ASNSD1: variants seen among roughly 807,000 people sequenced by gnomAD.
ASNSD1 encodes asparagine synthetase domain-containing protein 1.
A neutral mutation model predicts 48.3 loss-of-function variants in ASNSD1; 36 were observed. That is an observed-to-expected ratio of 0.75 (90% CI 0.57 to 0.99). ASNSD1 has a LOEUF of 0.99. ASNSD1 is among the 50% of genes least tolerant of loss of function. The pLI is 0.00. For synonymous variants in ASNSD1, 257 were observed against 262.1 expected, an observed-to-expected ratio of 0.98 and a Z score of 0.19; for missense variants, 714 against 758.2, an observed-to-expected ratio of 0.94 and a Z score of 0.69.
At position 189,666,824 on chromosome 2, in the gene ASNSD1, A is replaced by C; in HGVS notation, c.692A>C (p.Asn231Thr). 1 of 1,614,180 alleles carries C rather than the reference A, an allele frequency of 6.2e-7. No homozygotes were observed. The highest frequency in any genetic ancestry group is 8.5e-7 in the Non-Finnish European group (1 of 1,180,016). ...DLPAFVSVVA[N>T]EAKLYLEKPV... ...CCAGCATTTGTATCAGTGGTAGCAA[A>C]TGAAGCCAAACTGTATCTTGAAAAA... Residue 231 changes from asparagine to threonine, a missense_variant, in exon 4 of 6, where the codon AAT becomes ACT. Transcript: ENST00000260952.
intron 1 of ASNSD1, among the ~76,000 whole-genome samples, chr2:189,661,898 A>G (rs2032673479): frequency 6.6e-6 from 1 of 152,134 alleles, no homozygotes; most frequent in Non-Finnish European, 1.5e-5. Context: ...ACTTTTGGAA[A>G]TACCGCCCAC....
chr2:189,665,644 A>ATATATATATG (rs1455945789), intron 3 of ASNSD1, among the ~76,000 whole-genome samples, 193 bp downstream of exon 3: 10 of 123,748 alleles, frequency 8.1e-5, no homozygotes, highest in African/African-American at 3.3e-4. Flanking sequence ...ATATATATAT[A>ATATATATATG]TATTATAAAT....
Position 189,666,623 on chromosome 2 carries a change from C to G in ASNSD1, c.491C>G (p.Ser164Cys). 1 of 1,614,142 alleles carries G rather than the reference C, an allele frequency of 6.2e-7. No individual in the cohort carries two copies. The stretch of plus-strand genomic sequence containing the variant: ...CTCTCTTCAGTTGGCACCCAAACAT[C>G]TGGATTGGCAAATCAGTGGCAAGAA... Reference protein sequence around the residue: ...FCLSSVGTQTSGLANQWQEVP... With the variant: ...FCLSSVGTQTCGLANQWQEVP... The change falls in exon 4 of 6, where the codon TCT becomes TGT. Residue 164 changes from serine to cysteine, a missense_variant. By Grantham distance (112) the Ser-to-Cys change is moderately radical. Transcript: ENST00000260952.
intron 1 of ASNSD1, among the ~76,000 whole-genome samples, chr2:189,662,043 C>G (rs1245559912): frequency 1.3e-5 from 2 of 152,160 alleles, no homozygotes; most frequent in Non-Finnish European, 2.9e-5. Context: ...CCTTTATCAC[C>G]GTGAACACTC....
chr2:189,667,969 C>G, intron 5 of ASNSD1, 24 bp downstream of exon 5: 1 of 1,579,956 alleles, frequency 6.3e-7, no homozygotes, highest in Non-Finnish European at 8.6e-7. Context: ...TTTGAGTGTT[C>G]TTACGGTATT....
At chr2:189,668,809 T>C (rs1244745140) in intron 5 of ASNSD1, among the ~76,000 whole-genome samples, 1 of 152,254 alleles carries the variant, frequency 6.6e-6, no homozygotes, top group Non-Finnish European at 1.5e-5. Flanking sequence ...TTCATGTATG[T>C]ATTCTTGCTT....
intron 5 of ASNSD1, 30 bp downstream of exon 5, chr2:189,667,975 G>A (rs756247257): frequency 2.5e-6 from 4 of 1,573,312 alleles, no homozygotes; most frequent in East Asian, 4.5e-5. Flanking sequence ...TGTTCTTACG[G>A]TATTTTTATA....
chr2:189,663,540 A>G (rs2032719758), intron 1 of ASNSD1, among the ~76,000 whole-genome samples: 1 of 152,210 alleles, frequency 6.6e-6, no homozygotes. Context: ...GGCATGAGCC[A>G]CCGCACCCGG....
In ASNSD1 at chr2:189,667,325, ATAAACATGTCAGTG is replaced by A; in HGVS notation, c.1196_1209del (p.Lys399ThrfsTer17). On this transcript the variant is annotated frameshift_variant, in exon 4 of 6. Transcript: ENST00000260952. LOFTEE classifies it high-confidence loss of function. Reference sequence around the variant, plus strand: ...GCTGCTGCTGCTGCTGACAGTCCTAATAAACATGTCAGTGTACCAGATCGAATCACAGGAAGGGC... The same window carrying A: ...GCTGCTGCTGCTGCTGACAGTCCTAATACCAGATCGAATCACAGGAAGGGC... 1 of 1,614,174 alleles carries A rather than the reference ATAAACATGTCAGTG, an allele frequency of 6.2e-7. No individual in the cohort carries two copies. The highest frequency in any genetic ancestry group is 8.5e-7 in the Non-Finnish European group (1 of 1,180,024).
chr2:189,668,001 A>G (rs186830650), intron 5 of ASNSD1, 56 bp downstream of exon 5: 143 of 1,491,924 alleles, frequency 9.6e-5, no homozygotes, highest in Middle Eastern at 3.9e-4. Flanking sequence ...AGCAGAGTGT[A>G]AATGGAGACT....
intron 5 of ASNSD1, among the ~76,000 whole-genome samples, chr2:189,668,644 G>T (rs566523528): frequency 6.6e-6 from 1 of 152,346 alleles, no homozygotes; most frequent in South Asian, 2.1e-4. Context: ...CAGTGTTATA[G>T]AAACTGGCTT....
chr2:189,662,043 C>T (rs1245559912), intron 1 of ASNSD1, among the ~76,000 whole-genome samples: 1 of 152,160 alleles, frequency 6.6e-6, no homozygotes, highest in South Asian at 2.1e-4. Flanking sequence ...CCTTTATCAC[C>T]GTGAACACTC....
chr2:189,665,614 A>ATACATATATATATATG (rs1559034445), intron 3 of ASNSD1, among the ~76,000 whole-genome samples, 163 bp downstream of exon 3: 18 of 95,636 alleles, frequency 1.9e-4, no homozygotes, highest in African/African-American at 7.3e-4. Flanking sequence ...ATATATATAT[A>ATACATATATATATATG]TATATATATA....
In ASNSD1 at chr2:189,666,971, A is replaced by G; in HGVS notation, c.839A>G (p.Lys280Arg). ...LQVFLTDVHM[K>R]EVIQQFIDVL... ...GTCTTTCTTACTGATGTACACATGAAGGAAGTAATTCAGCAGTTCATTGAT... is the reference window on the plus strand; with the variant it reads ...GTCTTTCTTACTGATGTACACATGAGGGAAGTAATTCAGCAGTTCATTGAT... Residue 280 changes from lysine to arginine, a missense_variant, in exon 4 of 6, where the codon AAG (lysine) becomes AGG (arginine). By Grantham distance (26) the Lys-to-Arg change is conservative. Transcript: ENST00000260952. 1 of 1,614,208 alleles carries G rather than the reference A, an allele frequency of 6.2e-7. No homozygotes were observed. Among genetic ancestry groups the G allele is most frequent in the South Asian group, 1.1e-5 (1 of 91,086 alleles).
At chr2:189,665,507 G>A (rs546529453) in intron 3 of ASNSD1, 56 bp downstream of exon 3, 2 of 387,864 alleles carry the variant, frequency 5.2e-6, no homozygotes, top group East Asian at 3.6e-5. Context: ...ACTCATCTGA[G>A]TGTTAAAATA....
Position 189,667,489 on chromosome 2 carries a change from G to A in ASNSD1, c.1357G>A (p.Asp453Asn), listed in dbSNP as rs1240887340. ...AATATGTCACTTAATTCGGCCATTG[G>A]ATACAGTTTTGGATGATAGCATTGG... Reference protein sequence around the residue: ...TRICHLIRPLDTVLDDSIGCA... With the variant: ...TRICHLIRPLNTVLDDSIGCA... The change falls in exon 4 of 6, where the codon GAT becomes AAT. Residue 453 changes from aspartate (D) to asparagine (N), a missense_variant. Transcript: ENST00000260952. 6.2e-7 allele frequency: 1 copy of A among 1,614,170 alleles called. No homozygotes were observed. Among genetic ancestry groups the A allele is most frequent in the Non-Finnish European group, 8.5e-7 (1 of 1,180,034 alleles).
chr2:189,668,495 C>T (rs753528437), intron 5 of ASNSD1, among the ~76,000 whole-genome samples: 11 of 108,256 alleles, frequency 1.0e-4, no homozygotes, highest in Non-Finnish European at 1.5e-4. Flanking sequence ...GGAGACAGTG[C>T]GAGACTCTGT....
At position 189,666,991 on chromosome 2, in the gene ASNSD1, A is replaced by G. The variant is rs138068841; in HGVS notation, c.859A>G (p.Ile287Val). Reference protein sequence around the residue: ...VHMKEVIQQFIDVLSVAVKKR... With the variant: ...VHMKEVIQQFVDVLSVAVKKR... ...CATGAAGGAAGTAATTCAGCAGTTCATTGATGTCCTGAGTGTAGCAGTCAA... is the reference window on the plus strand; with the variant it reads ...CATGAAGGAAGTAATTCAGCAGTTCGTTGATGTCCTGAGTGTAGCAGTCAA... Residue 287 changes from isoleucine (I) to valine (V), a missense_variant, in exon 4 of 6, where the codon ATT becomes GTT. By Grantham distance (29) the Ile-to-Val change is conservative. Transcript: ENST00000260952. The G allele has an allele frequency of 1.6e-4, 258 of 1,614,072 alleles. No homozygotes were observed. Among genetic ancestry groups the G allele is most frequent in the Non-Finnish European group, 1.9e-4 (226 of 1,180,036 alleles).
At chr2:189,670,187 A>G (rs2032896677) in intron 5 of ASNSD1, among the ~76,000 whole-genome samples, 1 of 133,930 alleles carries the variant, frequency 7.5e-6, no homozygotes, top group African/African-American at 2.8e-5. Flanking sequence ...GTGCTCACCT[A>G]GGCAAAAAAA....
Sources: allele counts gnomAD v4.1 joint callset (sites outside exome capture counted in the v4.1 genomes callset), GRCh38; gene constraint gnomAD v4.1.1; transcripts MANE v1.5; gene names NCBI Gene and HGNC (gene_info 2026-07-23, HGNC 2026-07-21).